Variants in PDE4D observed in about 807,000 individuals in gnomAD.
The protein encoded by PDE4D is phosphodiesterase 4D.
In PDE4D, 24 loss-of-function variants were observed where a neutral mutation model predicts 87.4. The ratio of observed to expected loss-of-function variants is 0.27; its 90% confidence interval spans 0.20 to 0.39. The LOEUF is 0.39. PDE4D is among the 10% of genes least tolerant of loss of function. The pLI is 1.00. For synonymous variants in PDE4D, 384 were observed against 383.2 expected, an observed-to-expected ratio of 1.00 and a Z score of -0.02; for missense variants, 714 against 1,041.0, an observed-to-expected ratio of 0.69 and a Z score of 4.32.
At chr5:59,666,608 T>C (rs1316910811) in intron 1 of PDE4D, among the ~76,000 whole-genome samples, 1 of 152,250 alleles carries the variant, frequency 6.6e-6, no homozygotes, top group Non-Finnish European at 1.5e-5. Context: ...ATTTGGATGC[T>C]GTTGCTGTGC....
chr5:59,478,908 T>TAAAC (rs35004795), intron 1 of PDE4D, among the ~76,000 whole-genome samples: 69,667 of 151,570 alleles, frequency 0.46, 18,546 homozygotes, highest in African/African-American at 0.75. Context: ...AAATTTTCAA[T>TAAAC]AAATCACAGT....
chr5:59,818,258 C>T (rs1436781935), intron 1 of PDE4D, among the ~76,000 whole-genome samples: 1 of 152,142 alleles, frequency 6.6e-6, no homozygotes, highest in East Asian at 1.9e-4. Flanking sequence ...TGGGCACGTT[C>T]CTTAAATCTC....
At chr5:59,465,579 TTG>T (rs1438063964) in intron 1 of PDE4D, among the ~76,000 whole-genome samples, 7 of 152,148 alleles carry the variant, frequency 4.6e-5, no homozygotes, top group African/African-American at 1.7e-4. Context: ...AAAGTTGGAG[TTG>T]TCTGTTTCTT....
At position 60,408,721 on chromosome 5, in the gene PDE4D, A is replaced by G. The variant is rs191601838; in HGVS notation, c.-90+79221T>C. 2.2e-3 allele frequency among the ~76,000 whole-genome samples: 333 copies of G among 152,302 alleles called. 2 individuals carry two copies. Among genetic ancestry groups the G allele is most frequent in the African/African-American group, 7.8e-3 (325 of 41,556 alleles). On this transcript the variant is annotated intron_variant, in intron 1 of 16. Coordinates refer to the PDE4D transcript ENST00000502484. ...GTCTTCCTTCAAAGGACTTCTTATC[A>G]TTTTTAAGAGGCAGTGCTAGCCCAC... is the stretch of plus-strand genomic sequence containing the variant.
intron 1 of PDE4D, among the ~76,000 whole-genome samples, chr5:60,219,048 G>A (rs747753960): frequency 2.0e-5 from 3 of 151,998 alleles, no homozygotes; most frequent in Non-Finnish European, 4.4e-5. Flanking sequence ...TAATAAAATA[G>A]CATATACAGC....
intron 1 of PDE4D, among the ~76,000 whole-genome samples, chr5:59,283,708 A>T (rs1766292769): frequency 6.6e-6 from 1 of 152,106 alleles, no homozygotes; most frequent in Non-Finnish European, 1.5e-5. Flanking sequence ...TGCCTTCAAG[A>T]TCTAGCATAA....
At chr5:59,632,771 A>G (rs1227423887) in intron 1 of PDE4D, among the ~76,000 whole-genome samples, 1 of 152,246 alleles carries the variant, frequency 6.6e-6, no homozygotes, top group Non-Finnish European at 1.5e-5. Flanking sequence ...ATCCATGAAG[A>G]TGAGGAAAAA....
intron 1 of PDE4D, among the ~76,000 whole-genome samples, chr5:59,829,227 G>C (rs941522418): frequency 1.3e-5 from 2 of 151,718 alleles, no homozygotes; most frequent in African/African-American, 4.8e-5. Flanking sequence ...CACTTTTTTT[G>C]TGAAAAATAG....
At chr5:60,190,586 A>G (rs977535961) in intron 1 of PDE4D, among the ~76,000 whole-genome samples, 6 of 152,212 alleles carry the variant, frequency 3.9e-5, no homozygotes, top group African/African-American at 1.2e-4. Flanking sequence ...AAATAGGGTA[A>G]TTGAAGTATA....
intron 1 of PDE4D, among the ~76,000 whole-genome samples, chr5:60,316,968 C>A (rs963219318): frequency 6.6e-6 from 1 of 152,118 alleles, no homozygotes; most frequent in Non-Finnish European, 1.5e-5. Flanking sequence ...TGTGTCTCTG[C>A]CAGGCTTTGG....
chr5:59,771,433 AAAAGAAAG>A (rs745783951), intron 1 of PDE4D, among the ~76,000 whole-genome samples: 59 of 93,874 alleles, frequency 6.3e-4, no homozygotes, highest in South Asian at 1.9e-3. Context: ...AAGAAAAAGA[AAAAGAAAG>A]AAAGAAAGAA....
intron 1 of PDE4D, among the ~76,000 whole-genome samples, chr5:60,400,858 G>C (rs1741020607): frequency 6.6e-6 from 1 of 152,148 alleles, no homozygotes; most frequent in African/African-American, 2.4e-5. Flanking sequence ...TTTGAACCTG[G>C]GAGGCACAGG....
intron 1 of PDE4D, among the ~76,000 whole-genome samples, chr5:59,579,195 T>A (rs923430626): frequency 6.6e-6 from 1 of 152,208 alleles, no homozygotes; most frequent in Non-Finnish European, 1.5e-5. Context: ...AACTTGTATA[T>A]ATCTATATTA....
At chr5:59,318,471 T>C (rs1398101802) in intron 1 of PDE4D, among the ~76,000 whole-genome samples, 2 of 152,084 alleles carry the variant, frequency 1.3e-5, no homozygotes, top group Non-Finnish European at 2.9e-5. Context: ...AAAGAAAAAG[T>C]TGTCTGTTTC....
At chr5:59,753,571 GA>G (rs1365282945) in intron 1 of PDE4D, among the ~76,000 whole-genome samples, 3 of 152,144 alleles carry the variant, frequency 2.0e-5, no homozygotes, top group Non-Finnish European at 4.4e-5. Context: ...CTGACAGTTG[GA>G]ATTGAACAGA....
At chr5:59,351,930 G>T (rs1208661309) in intron 1 of PDE4D, among the ~76,000 whole-genome samples, 1 of 152,204 alleles carries the variant, frequency 6.6e-6, no homozygotes, top group East Asian at 1.9e-4. Flanking sequence ...TTTTCCTTGT[G>T]TGCTGATAAT....
intron 5 of PDE4D, chr5:59,157,161 A>ATTTTTTT: frequency 1.7e-6 from 1 of 574,872 alleles, no homozygotes; most frequent in Non-Finnish European, 3.1e-6. Flanking sequence ...TTGCTTCACA[A>ATTTTTTT]TTTTTTTTTC....
Position 59,284,016 on chromosome 5 carries a change from T to C in PDE4D, c.456-68048A>G, listed in dbSNP as rs191534499. 3.1e-3 allele frequency among the ~76,000 whole-genome samples: 465 copies of C among 152,268 alleles called. 4 individuals are homozygous for C. Among genetic ancestry groups the C allele is most frequent in the African/African-American group, 0.011 (446 of 41,572 alleles). ...ACCTAGAATCCTCCCAGGGTTCCTCTGGGATTAAATGAGAAAACATGCTGT... is the reference window on the plus strand; with the variant it reads ...ACCTAGAATCCTCCCAGGGTTCCTCCGGGATTAAATGAGAAAACATGCTGT... On this transcript the variant is annotated intron_variant, in intron 1 of 14. Coordinates refer to ENST00000340635, the MANE Select transcript of PDE4D (RefSeq NM_001104631.2).
At chr5:59,461,155 G>A (rs553683711) in intron 1 of PDE4D, among the ~76,000 whole-genome samples, 1 of 151,900 alleles carries the variant, frequency 6.6e-6, no homozygotes, top group Non-Finnish European at 1.5e-5. Flanking sequence ...AACATGTACT[G>A]ACATAAATAG....
Sources: allele counts gnomAD v4.1 joint callset (sites outside exome capture counted in the v4.1 genomes callset), GRCh38; gene constraint gnomAD v4.1.1; transcripts MANE v1.5; gene names NCBI Gene and HGNC (gene_info 2026-07-23, HGNC 2026-07-21).